The following FSTL4 variants were observed in gnomAD, a reference collection of about 807,000 sequenced individuals.
FSTL4 encodes follistatin-related protein 4.
FSTL4 carries 28 observed loss-of-function variants against 78.2 expected under a neutral mutation model. That is an observed-to-expected ratio of 0.36 (90% confidence interval 0.27 to 0.49). The LOEUF (loss-of-function observed/expected upper bound fraction) is 0.49. Among genes scored for constraint, FSTL4 ranks in the 20% least tolerant of loss-of-function variants. The pLI is 0.98. For missense variants in FSTL4, 922 were observed against 1,084.9 expected (o/e 0.85, Z 2.11); for synonymous variants, 422 against 440.5 (o/e 0.96, Z 0.53).
chr5:133,397,079 G>C (rs1176701741), intron 4 of FSTL4, among the ~76,000 whole-genome samples: 1 of 152,200 alleles, frequency 6.6e-6, no homozygotes, highest in Non-Finnish European at 1.5e-5. Context: ...TACAACGCTG[G>C]CTTGGTGAGT....
chr5:133,459,715 CT>C (rs550091980), intron 3 of FSTL4, among the ~76,000 whole-genome samples: 177 of 152,232 alleles, frequency 1.2e-3, no homozygotes, highest in African/African-American at 4.2e-3. Flanking sequence ...CCAAGGCTAC[CT>C]CTCTCATGGG....
the FSTL4 span, among the ~76,000 whole-genome samples, chr5:133,643,487 C>T: frequency 6.6e-6 from 1 of 152,082 alleles, no homozygotes; most frequent in Non-Finnish European, 1.5e-5. Flanking sequence ...TCCAAACTTC[C>T]TTCAGGCTGA....
chr5:133,358,045 G>A (rs979024870), intron 4 of FSTL4, among the ~76,000 whole-genome samples: 3 of 152,160 alleles, frequency 2.0e-5, no homozygotes, highest in Non-Finnish European at 4.4e-5. Flanking sequence ...GTGGACCCAG[G>A]GCCACCTGCT....
At chr5:133,690,764 A>G in the FSTL4 span, among the ~76,000 whole-genome samples, 1 of 152,248 alleles carries the variant, frequency 6.6e-6, no homozygotes, top group South Asian at 2.1e-4. Flanking sequence ...CTATAGAGAC[A>G]GTGACTTGCA....
chr5:133,379,939 G>A (rs887620386), intron 4 of FSTL4, among the ~76,000 whole-genome samples: 3 of 152,092 alleles, frequency 2.0e-5, no homozygotes, highest in African/African-American at 7.2e-5. Context: ...GCTGGGTGTG[G>A]TGGCTTGCGC....
At chr5:133,643,876 C>T in the FSTL4 span, among the ~76,000 whole-genome samples, 7 of 152,046 alleles carry the variant, frequency 4.6e-5, no homozygotes, top group Admixed American at 3.3e-4. Flanking sequence ...GTGAGAGCCT[C>T]GCAGCAATTC....
intron 3 of FSTL4, among the ~76,000 whole-genome samples, chr5:133,495,708 ACCTTGTGTAAACTAGTGG>A (rs1303689054): frequency 6.6e-6 from 1 of 152,136 alleles, no homozygotes. Flanking sequence ...GTTTGAGGCA[ACCTTGTGTAAACTAGTGG>A]CCTTCTGTCC....
At chr5:133,517,621 T>TGC (rs1394690729) in intron 3 of FSTL4, among the ~76,000 whole-genome samples, 4 of 149,170 alleles carry the variant, frequency 2.7e-5, no homozygotes, top group Non-Finnish European at 5.9e-5. Flanking sequence ...TGTGTGTGTG[T>TGC]GTGTGTGTGT....
chr5:133,811,798 A>C, the FSTL4 span, among the ~76,000 whole-genome samples: 5 of 152,304 alleles, frequency 3.3e-5, 1 homozygote, highest in African/African-American at 1.2e-4. Flanking sequence ...CTGCAGTTGT[A>C]AATGTCACAT....
intron 3 of FSTL4, among the ~76,000 whole-genome samples, chr5:133,533,507 A>G (rs1390169930): frequency 6.6e-6 from 1 of 152,162 alleles, no homozygotes; most frequent in Non-Finnish European, 1.5e-5. Flanking sequence ...CAGCCTCCCA[A>G]AGTGCTGGGA....
At chr5:133,665,867 C>T in the FSTL4 span, among the ~76,000 whole-genome samples, 1 of 152,158 alleles carries the variant, frequency 6.6e-6, no homozygotes, top group Non-Finnish European at 1.5e-5. Context: ...TCTACGCAGC[C>T]CTTGCTCAAA....
chr5:133,269,145 GCAC>G (rs1332051569), intron 6 of FSTL4, among the ~76,000 whole-genome samples: 6 of 134,432 alleles, frequency 4.5e-5, no homozygotes, highest in African/African-American at 1.8e-4. Context: ...TCGTGCCACT[GCAC>G]CACTCCAGCC....
chr5:133,823,825 C>T, the FSTL4 span, among the ~76,000 whole-genome samples: 1 of 152,176 alleles, frequency 6.6e-6, no homozygotes, highest in African/African-American at 2.4e-5. Flanking sequence ...AGCCAGCCTG[C>T]CCCTGGGGAG....
the FSTL4 span, among the ~76,000 whole-genome samples, chr5:133,774,320 AG>A: frequency 1.3e-5 from 2 of 152,166 alleles, no homozygotes; most frequent in Non-Finnish European, 2.9e-5. Context: ...CTCAATCAGA[AG>A]TGATTTGCTT....
chr5:133,555,421 G>A (rs1046023304), intron 3 of FSTL4, among the ~76,000 whole-genome samples: 1 of 152,238 alleles, frequency 6.6e-6, no homozygotes, highest in Non-Finnish European at 1.5e-5. Context: ...GTGACCCGGG[G>A]CAAGTCCCTT....
chr5:133,267,763 G>A (rs1316227642), intron 6 of FSTL4, among the ~76,000 whole-genome samples: 1 of 152,172 alleles, frequency 6.6e-6, no homozygotes, highest in Non-Finnish European at 1.5e-5. Flanking sequence ...TCCAAGTGGG[G>A]GAGGTGTGAT....
At chr5:133,781,806 G>T in the FSTL4 span, among the ~76,000 whole-genome samples, 2 of 152,204 alleles carry the variant, frequency 1.3e-5, no homozygotes, top group Non-Finnish European at 2.9e-5. Flanking sequence ...CTCACTGGGG[G>T]TTATTCAGTA....
At chr5:133,761,257 G>A in the FSTL4 span, among the ~76,000 whole-genome samples, 6 of 151,960 alleles carry the variant, frequency 3.9e-5, no homozygotes, top group South Asian at 2.1e-4. Context: ...AAGTCATTTC[G>A]AAGACTCCAT....
chr5:133,266,885 G>T (rs539157532), intron 6 of FSTL4, among the ~76,000 whole-genome samples: 12 of 152,328 alleles, frequency 7.9e-5, no homozygotes, highest in Admixed American at 3.9e-4. Flanking sequence ...CTCACTCAGT[G>T]TCCTCAGCTT....
Sources: allele counts gnomAD v4.1 joint callset (sites outside exome capture counted in the v4.1 genomes callset), GRCh38; gene constraint gnomAD v4.1.1; transcripts MANE v1.5; gene names NCBI Gene and HGNC (gene_info 2026-07-23, HGNC 2026-07-21).